The following ARHGEF4 variants were observed in gnomAD, a reference collection of about 807,000 sequenced individuals.
The protein encoded by ARHGEF4 is APC-stimulated guanine nucleotide exchange factor 1.
ARHGEF4 carries 119 observed loss-of-function variants against 162.0 expected under a neutral mutation model. That is an observed-to-expected ratio of 0.73 (90% CI 0.63 to 0.86). ARHGEF4 has a LOEUF of 0.86. Among genes scored for constraint, ARHGEF4 ranks in the 40% least tolerant of loss-of-function variants. The pLI is 0.00. For missense variants in ARHGEF4, 2,488 were observed against 2,456.0 expected, an observed-to-expected ratio of 1.01 and a Z score of -0.28; for synonymous variants, 1,014 against 979.9, an observed-to-expected ratio of 1.03 and a Z score of -0.65.
rs758346864 is a variant in ARHGEF4, at chr2:131,040,088, G to T, written c.4378G>T (p.Gly1460Trp). Residue 1460 changes from glycine (G) to tryptophan (W), a missense_variant, in exon 7 of 14, where the codon GGG becomes TGG. Gly to Trp is a radical substitution (Grantham distance 184). Transcript: ENST00000409359. ...LAGNSGAEDG[G>W]AEAQSSKDQM... The stretch of plus-strand genomic sequence containing the variant: ...CGGGAACAGCGGAGCGGAGGACGGC[G>T]GGGCGGAGGCGCAGAGCAGCAAGGA... 1 of 1,607,716 alleles carries T rather than the reference G, an allele frequency of 6.2e-7. No homozygotes were observed. The highest frequency in any genetic ancestry group is 1.3e-5 in the African/African-American group (1 of 74,868).
In ARHGEF4 at chr2:130,929,536, C is replaced by A. The variant is rs141068833; in HGVS notation, c.3553-1416C>A. Among the ~76,000 whole-genome samples the A allele has an allele frequency of 2.0e-3, 298 of 152,182 alleles. 3 individuals are homozygous for A. The highest frequency in any genetic ancestry group is 6.8e-3 in the African/African-American group (284 of 41,512). On this transcript the variant is annotated intron_variant, in intron 2 of 13. Coordinates refer to ENST00000409359, the MANE Select transcript of ARHGEF4 (RefSeq NM_001367493.1). ...CTAATCACTTCCAGAATAAGGACCC[C>A]CTACAATTTCTACCATAAAAATAAA...
At chr2:130,933,740 G>A (rs1479557451) in intron 3 of ARHGEF4, among the ~76,000 whole-genome samples, 3 of 152,178 alleles carry the variant, frequency 2.0e-5, no homozygotes, top group Admixed American at 1.3e-4. Context: ...CATTGCTAGA[G>A]CATAAAAATA....
intron 4 of ARHGEF4, among the ~76,000 whole-genome samples, chr2:130,972,746 C>A (rs2105225092): frequency 6.6e-6 from 1 of 152,268 alleles, no homozygotes; most frequent in South Asian, 2.1e-4. Flanking sequence ...TGATAATTTT[C>A]AAAAGTGAAA....
rs375855121 is a variant in ARHGEF4, at chr2:130,931,090, G to T, written c.3691G>T (p.Glu1231Ter). The change falls in exon 3 of 14, where the codon GAG (glutamate) becomes TAG (stop). Residue 1231 changes from glutamate to a stop codon, truncating the protein, a stop_gained. Transcript: ENST00000409359. LOFTEE classifies it high-confidence loss of function. ...VTWALLCISA[E>*]TVRGEAPSQP... is the part of the protein sequence containing the mutation. ...ATGGGCCCTCCTCTGCATCTCTGCAGAGACTGTGCGTGGGGAGGCTCCTTC... is the reference window on the plus strand; with the variant it reads ...ATGGGCCCTCCTCTGCATCTCTGCATAGACTGTGCGTGGGGAGGCTCCTTC... 6.2e-7 allele frequency: 1 copy of T among 1,614,100 alleles called. No individual in the cohort carries two copies. The highest frequency in any genetic ancestry group is 1.3e-5 in the African/African-American group (1 of 74,948).
At chr2:130,979,794 A>G (rs1050769868) in intron 4 of ARHGEF4, among the ~76,000 whole-genome samples, 2 of 152,000 alleles carry the variant, frequency 1.3e-5, no homozygotes, top group South Asian at 4.2e-4. Flanking sequence ...TCAGATTTCA[A>G]AGGTTTCAGA....
intron 1 of ARHGEF4, among the ~76,000 whole-genome samples, chr2:130,887,775 G>A (rs1679607700): frequency 6.6e-6 from 1 of 152,130 alleles, no homozygotes; most frequent in Admixed American, 6.5e-5. Context: ...TTCTGTGGTT[G>A]GCCCGGCTGT....
chr2:131,008,448 C>T (rs966936832), intron 4 of ARHGEF4, among the ~76,000 whole-genome samples: 1 of 152,184 alleles, frequency 6.6e-6, no homozygotes, highest in Non-Finnish European at 1.5e-5. Context: ...ATGCAACCAA[C>T]ATCCAGATCA....
chr2:130,884,573 TGA>T (rs1679395249), intron 1 of ARHGEF4, among the ~76,000 whole-genome samples: 1 of 152,110 alleles, frequency 6.6e-6, no homozygotes, highest in African/African-American at 2.4e-5. Context: ...GTGGCTGGCA[TGA>T]TTTTTAATAC....
At chr2:130,887,855 G>A (rs1679613459) in intron 1 of ARHGEF4, among the ~76,000 whole-genome samples, 2 of 152,034 alleles carry the variant, frequency 1.3e-5, no homozygotes, top group African/African-American at 2.4e-5. Context: ...GGAGGACCAC[G>A]CCGGCAGGGT....
At chr2:130,932,126 G>T (rs1682674430) in intron 3 of ARHGEF4, among the ~76,000 whole-genome samples, 1 of 152,092 alleles carries the variant, frequency 6.6e-6, no homozygotes, top group Non-Finnish European at 1.5e-5. Context: ...TTCCTATTCT[G>T]GATTTTTCAT....
At chr2:131,018,413 A>G (rs906807468) in intron 4 of ARHGEF4, among the ~76,000 whole-genome samples, 5 of 152,010 alleles carry the variant, frequency 3.3e-5, no homozygotes, top group Non-Finnish European at 2.9e-5. Flanking sequence ...TCCTTTGCCT[A>G]TTTTTGAGTT....
intron 4 of ARHGEF4, among the ~76,000 whole-genome samples, chr2:130,977,585 T>C (rs1354928996): frequency 1.3e-5 from 2 of 152,002 alleles, no homozygotes; most frequent in African/African-American, 2.4e-5. Context: ...ATGTATGTTG[T>C]GTATGTGTGG....
chr2:130,972,393 A>G (rs555254942), intron 4 of ARHGEF4, among the ~76,000 whole-genome samples: 38 of 152,340 alleles, frequency 2.5e-4, no homozygotes, highest in African/African-American at 8.9e-4. Flanking sequence ...AATATCAGCA[A>G]TGCTCCTAAT....
At chr2:130,847,524 G>A (rs1681070423) in intron 1 of ARHGEF4, among the ~76,000 whole-genome samples, 1 of 152,176 alleles carries the variant, frequency 6.6e-6, no homozygotes, top group East Asian at 1.9e-4. Flanking sequence ...TCTCTGTAAG[G>A]TGGCTGTGAC....
At chr2:130,878,679 A>G (rs1679014768) in intron 1 of ARHGEF4, among the ~76,000 whole-genome samples, 2 of 152,248 alleles carry the variant, frequency 1.3e-5, no homozygotes, top group African/African-American at 4.8e-5. Context: ...ACTCAGGGCC[A>G]CGGTGATTGC....
chr2:131,019,888 C>G (rs958367643), intron 4 of ARHGEF4, among the ~76,000 whole-genome samples: 6 of 152,168 alleles, frequency 3.9e-5, no homozygotes, highest in African/African-American at 1.4e-4. Context: ...CCCGCCTCGG[C>G]CTCCCAAAGT....
At chr2:131,011,793 T>C (rs1688466952) in intron 4 of ARHGEF4, 1 of 850,598 alleles carries the variant, frequency 1.2e-6, no homozygotes, top group Non-Finnish European at 1.9e-6. Context: ...TGATTTATTG[T>C]AGTTTACCAA....
intron 4 of ARHGEF4, 64 bp from the exon 5 acceptor site, chr2:131,027,881 C>T (rs566494373): frequency 7.4e-5 from 118 of 1,590,672 alleles, no homozygotes; most frequent in African/African-American, 1.5e-4. Flanking sequence ...TCCTTCTCCA[C>T]GTGTTCTCCC....
At position 130,860,626 on chromosome 2, in the gene ARHGEF4, T is replaced by C. The variant is rs188374249; in HGVS notation, c.39+23634T>C. 3.4e-3 allele frequency among the ~76,000 whole-genome samples: 405 copies of C among 118,154 alleles called. 107 individuals carry two copies. The highest frequency in any genetic ancestry group is 0.019 in the Admixed American group (212 of 11,122). 77.5% of individuals were successfully genotyped at this position (118,154 alleles called of 152,430 possible). ...TCGGGAGGCCGAGGCAGAAGAATGG[T>C]GTGAACCCGGGAGGCGAAGCTTGCG... On this transcript the variant is annotated intron_variant, in intron 1 of 13. Transcript: ENST00000409359.
Sources: gnomAD v4.1 joint callset for allele counts (sites outside exome capture counted in the v4.1 genomes callset) on GRCh38, gnomAD v4.1.1 for gene constraint, MANE v1.5 for transcripts, NCBI Gene and HGNC (gene_info 2026-07-23, HGNC 2026-07-21) for gene names.